Variants in SCLT1 observed in about 807,000 individuals in gnomAD.
SCLT1 encodes sodium channel and clathrin linker 1, also known as sodium channel-associated protein 1.
SCLT1 carries 78 observed loss-of-function variants against 112.8 expected under a neutral mutation model. The ratio of observed to expected loss-of-function variants is 0.69; its 90% CI spans 0.58 to 0.83. SCLT1 has a LOEUF of 0.83. Among genes scored for constraint, SCLT1 ranks in the 40% least tolerant of loss-of-function variants. SCLT1 has a pLI of 0.00. For missense variants in SCLT1, 747 were observed against 770.4 expected (o/e 0.97, Z 0.36); for synonymous variants, 257 against 254.7 (o/e 1.01, Z -0.09).
intron 9 of SCLT1, among the ~76,000 whole-genome samples, chr4:128,985,294 T>C (rs1469008368): frequency 6.6e-5 from 10 of 152,196 alleles, no homozygotes; most frequent in Non-Finnish European, 1.5e-5. Flanking sequence ...TTTTACTACA[T>C]ATTTTGAATA....
chr4:129,065,953 G>C (rs1046160893), intron 2 of SCLT1, among the ~76,000 whole-genome samples: 5 of 151,966 alleles, frequency 3.3e-5, no homozygotes, highest in South Asian at 4.1e-4. Context: ...ATGCAAACTT[G>C]ATATAGATAA....
intron 18 of SCLT1, among the ~76,000 whole-genome samples, chr4:128,921,989 C>T (rs754473140): frequency 1.1e-4 from 17 of 151,990 alleles, no homozygotes; most frequent in Non-Finnish European, 1.6e-4. Flanking sequence ...GGGCAAAGGA[C>T]AAGAACAGAC....
chr4:128,878,443 T>C lies in SCLT1; in HGVS notation n.226-1807A>G, dbSNP rs190989770. Reference sequence around the variant, plus strand: ...AAATCTTTTTCTTTGGTGTTTCCCTTCCCATGCAACAGTTTCAAAGAGAGC... The same window carrying C: ...AAATCTTTTTCTTTGGTGTTTCCCTCCCCATGCAACAGTTTCAAAGAGAGC... On this transcript the variant is annotated intron_variant and non_coding_transcript_variant, in intron 3 of 7. Coordinates refer to the SCLT1 transcript ENST00000503565. 2.3e-3 allele frequency among the ~76,000 whole-genome samples: 356 copies of C among 152,310 alleles called. 1 individual carries two copies. Among genetic ancestry groups the C allele is most frequent in the Non-Finnish European group, 3.8e-3 (257 of 68,012 alleles).
rs1740116859 is a variant in SCLT1, at chr4:128,965,650, C to A, written c.778-332G>T. On this transcript the variant is annotated intron_variant, in intron 10 of 20. Coordinates refer to ENST00000281142, the MANE Select transcript of SCLT1 (RefSeq NM_144643.4). ...ATAATGTGCCTTTAGAATATGCTCT[C>A]TTAACTATATTATTCTATGTCTCAT... is the stretch of plus-strand genomic sequence containing the variant. 1.3e-5 allele frequency among the ~76,000 whole-genome samples: 2 copies of A among 152,114 alleles called. 1 individual carries two copies. The highest frequency in any genetic ancestry group is 4.1e-4 in the South Asian group (2 of 4,836).
At chr4:129,084,948 G>T (rs1208796663) in intron 1 of SCLT1, among the ~76,000 whole-genome samples, 23 of 152,150 alleles carry the variant, frequency 1.5e-4, no homozygotes, top group Admixed American at 1.5e-3. Flanking sequence ...ACACCATCTG[G>T]ACACAGGAGT....
chr4:129,006,395 G>A (rs112377157), intron 5 of SCLT1, among the ~76,000 whole-genome samples: 1,927 of 151,852 alleles, frequency 0.013, 44 homozygotes, highest in African/African-American at 0.044. Flanking sequence ...AAAATTAGCC[G>A]GGCATGGTGG....
intron 18 of SCLT1, among the ~76,000 whole-genome samples, chr4:128,920,013 T>C (rs1296056081): frequency 2.6e-5 from 4 of 152,072 alleles, no homozygotes; most frequent in Non-Finnish European, 4.4e-5. Flanking sequence ...CTCCAAAAAA[T>C]TGAGGAGAAG....
intron 18 of SCLT1, among the ~76,000 whole-genome samples, chr4:128,931,338 G>A (rs776976017): frequency 7.2e-5 from 11 of 152,074 alleles, no homozygotes; most frequent in Admixed American, 6.5e-4. Context: ...AAAAGGAACT[G>A]CCTTTTGTGT....
chr4:128,921,916 C>A (rs569349775), intron 18 of SCLT1, among the ~76,000 whole-genome samples: 1 of 152,006 alleles, frequency 6.6e-6, no homozygotes, highest in Admixed American at 6.6e-5. Context: ...AGTCTAATAT[C>A]CAGAATCTAC....
At chr4:128,926,761 TA>T (rs1736333684) in intron 18 of SCLT1, among the ~76,000 whole-genome samples, 1 of 152,070 alleles carries the variant, frequency 6.6e-6, no homozygotes, top group African/African-American at 2.4e-5. Context: ...AACAGTAATA[TA>T]TTTTTTACTA....
At chr4:128,908,048 T>C (rs1355484833) in intron 18 of SCLT1, among the ~76,000 whole-genome samples, 4 of 152,188 alleles carry the variant, frequency 2.6e-5, no homozygotes, top group Non-Finnish European at 5.9e-5. Context: ...GGATGAGCCA[T>C]GTAGATTTTG....
intron 10 of SCLT1, among the ~76,000 whole-genome samples, chr4:128,967,097 G>C (rs2126026905): frequency 6.6e-6 from 1 of 152,300 alleles, no homozygotes; most frequent in South Asian, 2.1e-4. Flanking sequence ...TTGTAAGTGA[G>C]GACATGCGGT....
intron 18 of SCLT1, among the ~76,000 whole-genome samples, chr4:128,934,031 T>G (rs1390314836): frequency 3.3e-5 from 5 of 152,042 alleles, no homozygotes. Flanking sequence ...TAAGTTAATT[T>G]GTTTAATTTT....
intron 18 of SCLT1, among the ~76,000 whole-genome samples, chr4:128,895,651 A>G (rs1298274770): frequency 6.6e-6 from 1 of 152,290 alleles, no homozygotes; most frequent in African/African-American, 2.4e-5. Flanking sequence ...CAACTGAGGT[A>G]CCGGGTTCAT....
intron 18 of SCLT1, among the ~76,000 whole-genome samples, chr4:128,903,889 C>T (rs1003238756): frequency 6.6e-6 from 1 of 152,042 alleles, no homozygotes; most frequent in Non-Finnish European, 1.5e-5. Context: ...TTGAGAGTTC[C>T]CTGTATCATG....
At position 128,884,252 on chromosome 4, in the gene SCLT1, A is replaced by C. The variant is rs1054767692; in HGVS notation, c.*225T>G. ...TTGATGAAGGCAATGAGTTCTTCTC[A>C]GCTGGTTTATTCTCCACTGAAGCTC... On this transcript the variant is annotated 3_prime_UTR_variant, in exon 21 of 21. Transcript: ENST00000281142. 3.0e-5 allele frequency: 11 copies of C among 372,796 alleles called. No individual in the cohort carries two copies. The highest frequency in any genetic ancestry group is 2.1e-4 in the African/African-American group (10 of 47,932). The allele number at this position is 372,796 out of a possible 1,614,324, so 23.1% of individuals were successfully genotyped here.
In SCLT1 at chr4:129,058,579, T is replaced by C. The variant is rs181935689; in HGVS notation, c.103-14528A>G. Among the ~76,000 whole-genome samples the C allele has an allele frequency of 4.3e-3, 652 of 152,330 alleles. 5 individuals carry two copies. Among genetic ancestry groups the C allele is most frequent in the African/African-American group, 0.015 (618 of 41,580 alleles). On this transcript the variant is annotated intron_variant, in intron 2 of 20. Coordinates refer to ENST00000281142, the MANE Select transcript of SCLT1 (RefSeq NM_144643.4). ...ATTCCACTGTGGTCACAAACAATAG[T>C]TGAAATATTTTAATCGTTTTAATTT...
At chr4:128,899,511 A>C (rs1345226099) in intron 18 of SCLT1, among the ~76,000 whole-genome samples, 3 of 152,152 alleles carry the variant, frequency 2.0e-5, no homozygotes, top group Non-Finnish European at 4.4e-5. Context: ...ATTAGGTATT[A>C]ATGGGACGTA....
chr4:128,960,161 C>G (rs1305174681), intron 11 of SCLT1, among the ~76,000 whole-genome samples: 4 of 152,076 alleles, frequency 2.6e-5, no homozygotes, highest in Admixed American at 2.6e-4. Context: ...TTTATATGGT[C>G]TTTTCTCTTT....
Sources: gnomAD v4.1 joint callset for allele counts (sites outside exome capture counted in the v4.1 genomes callset) on GRCh38, gnomAD v4.1.1 for gene constraint, MANE v1.5 for transcripts, NCBI Gene and HGNC (gene_info 2026-07-23, HGNC 2026-07-21) for gene names.